The following CALN1 variants were observed in gnomAD, a reference collection of about 807,000 sequenced individuals.
CALN1 encodes calneuron 1.
A neutral mutation model predicts 30.6 loss-of-function variants in CALN1; 17 were observed. The observed-to-expected ratio is 0.56, with a 90% CI of 0.38 to 0.83. The LOEUF (loss-of-function observed/expected upper bound fraction) is 0.83. Among genes scored for constraint, CALN1 ranks in the 40% least tolerant of loss-of-function variants. The pLI is 0.00. For missense variants in CALN1, 291 were observed against 354.9 expected (o/e 0.82, Z 1.45); for synonymous variants, 156 against 131.4 (o/e 1.19, Z -1.28).
intron 3 of CALN1, among the ~76,000 whole-genome samples, chr7:72,249,857 A>G (rs1795430118): frequency 6.6e-6 from 1 of 151,770 alleles, no homozygotes; most frequent in Admixed American, 6.6e-5. Context: ...GAATCACTTG[A>G]ACCCAGGAGG....
At chr7:72,487,639 T>C in the CALN1 span, among the ~76,000 whole-genome samples, 1 of 144,874 alleles carries the variant, frequency 6.9e-6, no homozygotes, top group Non-Finnish European at 1.5e-5. Context: ...TGAGCCAAGA[T>C]TGCCCCAGTG....
At chr7:72,200,054 C>T (rs988296102) in intron 3 of CALN1, among the ~76,000 whole-genome samples, 1 of 152,168 alleles carries the variant, frequency 6.6e-6, no homozygotes, top group African/African-American at 2.4e-5. Flanking sequence ...GCTTCTATGG[C>T]AGTCTGCAAT....
chr7:72,186,181 T>G (rs1211155012), intron 3 of CALN1, among the ~76,000 whole-genome samples: 1 of 152,176 alleles, frequency 6.6e-6, no homozygotes, highest in African/African-American at 2.4e-5. Flanking sequence ...CCAGAAGGAA[T>G]GCAGCCCTGC....
At chr7:72,329,129 G>T (rs1416658806) in intron 2 of CALN1, among the ~76,000 whole-genome samples, 1 of 152,172 alleles carries the variant, frequency 6.6e-6, no homozygotes, top group Admixed American at 6.5e-5. Context: ...TATTTCCATT[G>T]TTCTTCTGTA....
chr7:72,477,519 G>A, the CALN1 span, among the ~76,000 whole-genome samples: 32 of 152,294 alleles, frequency 2.1e-4, no homozygotes, highest in Middle Eastern at 3.4e-3. Context: ...CTGGGCTCAA[G>A]CAATCCTCCT....
intron 5 of CALN1, among the ~76,000 whole-genome samples, chr7:71,910,388 G>A (rs1239315787): frequency 3.3e-5 from 5 of 152,192 alleles, no homozygotes; most frequent in Admixed American, 2.0e-4. Context: ...AAGGGTTGGG[G>A]AGGACATTCC....
intron 3 of CALN1, among the ~76,000 whole-genome samples, chr7:72,276,174 G>T (rs1314689843): frequency 2.6e-5 from 4 of 152,130 alleles, no homozygotes; most frequent in African/African-American, 4.8e-5. Context: ...CCACTCAGTG[G>T]GTCCTGCACG....
intron 3 of CALN1, among the ~76,000 whole-genome samples, chr7:72,127,114 G>A (rs939798502): frequency 2.6e-5 from 4 of 151,728 alleles, no homozygotes; most frequent in Admixed American, 1.3e-4. Flanking sequence ...GCAGATTGCT[G>A]GATGGAATGG....
the CALN1 span, among the ~76,000 whole-genome samples, chr7:72,466,004 C>T: frequency 6.6e-6 from 1 of 152,134 alleles, no homozygotes; most frequent in African/African-American, 2.4e-5. Context: ...AGATGAGAAA[C>T]AGGATCCAAG....
At chr7:71,987,612 C>G (rs13437851) in intron 5 of CALN1, among the ~76,000 whole-genome samples, 3,846 of 152,282 alleles carry the variant, frequency 0.025, 127 homozygotes, top group African/African-American at 0.085. Context: ...ACGCAACCCC[C>G]ATGAGAGGGG....
chr7:72,448,024 G>A (rs1808577818), upstream of CALN1, among the ~76,000 whole-genome samples: 1 of 149,416 alleles, frequency 6.7e-6, no homozygotes, highest in Non-Finnish European at 1.5e-5. Context: ...GTACACACAT[G>A]CCCGCTCAGG....
chr7:72,178,092 A>C (rs1789493403), intron 3 of CALN1, among the ~76,000 whole-genome samples: 1 of 152,200 alleles, frequency 6.6e-6, no homozygotes, highest in African/African-American at 2.4e-5. Flanking sequence ...CATTCAACTC[A>C]AATCACATCC....
intron 4 of CALN1, among the ~76,000 whole-genome samples, chr7:72,063,612 T>C (rs1307405829): frequency 2.6e-5 from 4 of 152,204 alleles, no homozygotes; most frequent in African/African-American, 9.7e-5. Flanking sequence ...TTCCATGTAC[T>C]GGCAGCTGAA....
chr7:71,823,619 G>A (rs1262092099), intron 5 of CALN1, among the ~76,000 whole-genome samples: 1 of 152,136 alleles, frequency 6.6e-6, no homozygotes, highest in Non-Finnish European at 1.5e-5. Context: ...TTGGGAGACT[G>A]AGGCAGAAGA....
intron 3 of CALN1, among the ~76,000 whole-genome samples, chr7:72,184,086 A>C (rs1790012410): frequency 6.6e-6 from 1 of 152,168 alleles, no homozygotes; most frequent in South Asian, 2.1e-4. Context: ...GTTATTTCCC[A>C]TCCTTGACCA....
In CALN1 at chr7:71,785,451, C is replaced by T. The variant is rs1792937165; in HGVS notation, c.*2324G>A. On this transcript the variant is annotated 3_prime_UTR_variant, in exon 7 of 7. Coordinates refer to ENST00000395275, the MANE Select transcript of CALN1 (RefSeq NM_031468.4). ...GGAGGCAGAAGAACTCGCAGAAAAG[C>T]CACCTTCAAAGAAGTACTCATTTTC... 1.3e-5 allele frequency: 2 copies of T among 152,196 alleles called. No homozygotes were observed. The highest frequency in any genetic ancestry group is 2.4e-5 in the African/African-American group (1 of 41,436). The allele number at this position is 152,196 out of a possible 1,614,324, so 9.4% of individuals were successfully genotyped here.
chr7:72,429,759 C>CTA (rs1554407090), intron 1 of CALN1, among the ~76,000 whole-genome samples: 1 of 119,556 alleles, frequency 8.4e-6, no homozygotes, highest in African/African-American at 3.2e-5. Flanking sequence ...ATATACACAT[C>CTA]TGTATATATA....
intron 3 of CALN1, among the ~76,000 whole-genome samples, chr7:72,190,901 C>A (rs1790549040): frequency 6.6e-6 from 1 of 152,044 alleles, no homozygotes; most frequent in Non-Finnish European, 1.5e-5. Flanking sequence ...ACCTGATTGG[C>A]ATTCAATGGT....
intron 1 of CALN1, among the ~76,000 whole-genome samples, chr7:72,407,974 G>A (rs181153257): frequency 2.8e-4 from 42 of 152,254 alleles, no homozygotes; most frequent in African/African-American, 5.3e-4. Context: ...TATCCAAGAA[G>A]GGAGACTTTG....
Sources: allele counts gnomAD v4.1 joint callset (sites outside exome capture counted in the v4.1 genomes callset), GRCh38; gene constraint gnomAD v4.1.1; transcripts MANE v1.5; gene names NCBI Gene and HGNC (gene_info 2026-07-23, HGNC 2026-07-21).